MCC: variants seen among roughly 807,000 people sequenced by gnomAD.
The protein encoded by MCC is colorectal mutant cancer protein.
Under a neutral mutation model 116.2 loss-of-function variants are expected in MCC, and 90 were observed. The observed-to-expected ratio is 0.77, with a 90% CI of 0.65 to 0.92. The LOEUF (loss-of-function observed/expected upper bound fraction) is 0.92. MCC is among the 40% of genes least tolerant of loss of function. MCC has a pLI of 0.00. For missense variants in MCC, 1,516 were observed against 1,312.2 expected (o/e 1.16, Z -2.40); for synonymous variants, 578 against 510.5 (o/e 1.13, Z -1.78).
intron 3 of MCC, among the ~76,000 whole-genome samples, chr5:113,175,194 C>A (rs148512196): frequency 6.6e-6 from 1 of 152,114 alleles, no homozygotes; most frequent in East Asian, 1.9e-4. Flanking sequence ...AATAAATAGA[C>A]ATGTCAATAA....
At chr5:113,135,220 G>A (rs1353279162) in intron 5 of MCC, among the ~76,000 whole-genome samples, 2 of 150,346 alleles carry the variant, frequency 1.3e-5, no homozygotes, top group Non-Finnish European at 3.0e-5. Context: ...TTACAGGCGT[G>A]AGCCACTGTG....
intron 5 of MCC, among the ~76,000 whole-genome samples, chr5:113,137,086 A>C (rs1227079555): frequency 1.3e-5 from 2 of 152,190 alleles, no homozygotes; most frequent in African/African-American, 4.8e-5. Context: ...CTTATAAAGG[A>C]AAGAGGTTTA....
At chr5:113,470,364 T>C (rs902512220) in intron 1 of MCC, among the ~76,000 whole-genome samples, 14 of 151,476 alleles carry the variant, frequency 9.2e-5, no homozygotes, top group African/African-American at 3.1e-4. Context: ...GGAGCTCTTT[T>C]AGGGCAGGCC....
At chr5:113,200,643 CAT>C (rs1469589589) in intron 3 of MCC, among the ~76,000 whole-genome samples, 1 of 152,208 alleles carries the variant, frequency 6.6e-6, no homozygotes, top group East Asian at 1.9e-4. Flanking sequence ...CACTGAGAAA[CAT>C]ATGGAAATGT....
intron 14 of MCC, among the ~76,000 whole-genome samples, chr5:113,060,631 C>T (rs1289481857): frequency 6.6e-6 from 1 of 152,170 alleles, no homozygotes; most frequent in African/African-American, 2.4e-5. Context: ...CTTAGTTTTA[C>T]AACAAACATA....
chr5:113,261,600 T>C (rs1321083470), intron 3 of MCC, among the ~76,000 whole-genome samples: 1 of 152,160 alleles, frequency 6.6e-6, no homozygotes, highest in East Asian at 1.9e-4. Context: ...TATTAACAGT[T>C]ATGGGAAAAA....
At chr5:113,071,561 G>A (rs560965192) in intron 11 of MCC, among the ~76,000 whole-genome samples, 64 of 152,300 alleles carry the variant, frequency 4.2e-4, no homozygotes, top group African/African-American at 1.5e-3. Context: ...CCTCCAGGCC[G>A]CCATCATGTG....
intron 3 of MCC, among the ~76,000 whole-genome samples, chr5:113,221,796 CCG>C (rs905694872): frequency 2.2e-4 from 34 of 152,200 alleles, no homozygotes; most frequent in African/African-American, 7.9e-4. Flanking sequence ...TCACTGCCCC[CCG>C]CCCCCACCAC....
intron 11 of MCC, among the ~76,000 whole-genome samples, chr5:113,073,451 A>G (rs1481779446): frequency 6.6e-6 from 1 of 152,168 alleles, no homozygotes. Context: ...AAACCCTTTA[A>G]TGACTTCTAA....
At position 113,488,318 on chromosome 5, in the gene MCC, T is replaced by C. The variant is rs755920437; in HGVS notation, c.97A>G (p.Ser33Gly). The change falls in exon 1 of 19, where the codon AGC (serine) becomes GGC (glycine). Residue 33 changes from serine (S) to glycine (G), a missense_variant. By Grantham distance (56) the Ser-to-Gly change is moderately conservative (BLOSUM62 0). Transcript: ENST00000408903. ...GSSSSSSDTS[S>G]TGEEERMRRL... The stretch of plus-strand genomic sequence containing the variant: ...CGCATCCTCTCCTCCTCGCCGGTGC[T>C]GGACGTGTCGCTGCTGCTGCTGCTG... 125 of 1,572,266 alleles carry C rather than the reference T, an allele frequency of 8.0e-5. No individual in the cohort carries two copies. The highest frequency in any genetic ancestry group is 1.0e-4 in the Non-Finnish European group (117 of 1,163,664).
At chr5:113,308,127 C>A (rs1380099998) in intron 3 of MCC, among the ~76,000 whole-genome samples, 1 of 152,140 alleles carries the variant, frequency 6.6e-6, no homozygotes, top group East Asian at 1.9e-4. Flanking sequence ...CGTGCACCAC[C>A]ATGCCTAGCT....
intron 11 of MCC, among the ~76,000 whole-genome samples, chr5:113,081,898 A>T (rs954482698): frequency 6.6e-6 from 1 of 152,246 alleles, no homozygotes; most frequent in African/African-American, 2.4e-5. Flanking sequence ...GCAACAGCGG[A>T]TGGGGAACGG....
intron 3 of MCC, among the ~76,000 whole-genome samples, chr5:113,323,457 C>G (rs559057158): frequency 6.6e-6 from 1 of 152,208 alleles, no homozygotes; most frequent in African/African-American, 2.4e-5. Context: ...AAAATGGAGC[C>G]AGCTCTGGGG....
chr5:113,068,294 C>T, intron 12 of MCC, 111 bp from the exon 13 acceptor site: 3 of 750,258 alleles, frequency 4.0e-6, no homozygotes. Flanking sequence ...GCCTCACTCT[C>T]CACACAGGCA....
chr5:113,420,771 T>G (rs1203764393), intron 1 of MCC, among the ~76,000 whole-genome samples: 1 of 152,212 alleles, frequency 6.6e-6, no homozygotes, highest in African/African-American at 2.4e-5. Flanking sequence ...CCAATGATAG[T>G]AGGCAGGGAG....
chr5:113,384,201 T>G (rs748594030), intron 2 of MCC, among the ~76,000 whole-genome samples: 18 of 152,218 alleles, frequency 1.2e-4, no homozygotes, highest in South Asian at 2.1e-4. Flanking sequence ...TTAAGAACTT[T>G]CTTTCCAACT....
At chr5:113,230,090 T>TA (rs1763887504) in intron 3 of MCC, among the ~76,000 whole-genome samples, 2 of 152,246 alleles carry the variant, frequency 1.3e-5, no homozygotes, top group South Asian at 4.1e-4. Flanking sequence ...AAGAAGATGT[T>TA]AAATAGTGGA....
chr5:113,426,908 T>C (rs531077119), intron 1 of MCC, among the ~76,000 whole-genome samples: 43 of 152,230 alleles, frequency 2.8e-4, no homozygotes, highest in African/African-American at 9.6e-4. Context: ...CCCTCAGTAC[T>C]CCTGTTTGGA....
At chr5:113,463,867 T>C (rs1771823398) in intron 1 of MCC, among the ~76,000 whole-genome samples, 1 of 152,126 alleles carries the variant, frequency 6.6e-6, no homozygotes, top group South Asian at 2.1e-4. Context: ...CAAAAATTGA[T>C]GCCTTAAAAT....
Sources: gnomAD v4.1 joint callset for allele counts (sites outside exome capture counted in the v4.1 genomes callset) on GRCh38, gnomAD v4.1.1 for gene constraint, MANE v1.5 for transcripts, NCBI Gene and HGNC (gene_info 2026-07-23, HGNC 2026-07-21) for gene names.